The following ZGRF1 variants were observed in gnomAD, a reference collection of about 807,000 sequenced individuals.
The protein encoded by ZGRF1 is 5'-3' DNA helicase ZGRF1.
In ZGRF1, 196 loss-of-function variants were observed where a neutral mutation model predicts 203.5. The observed-to-expected ratio is 0.96, with a 90% CI of 0.86 to 1.08. The LOEUF is 1.08. ZGRF1 is among the 50% of genes least tolerant of loss of function. The probability of loss-of-function intolerance (pLI) is 0.00; values close to 1 mark genes in which losing one functional copy is unlikely to be tolerated. For synonymous variants in ZGRF1, 809 were observed against 841.3 expected (o/e 0.96, Z 0.66); for missense variants, 2,326 against 2,416.3 (o/e 0.96, Z 0.78).
At chr4:112,564,914 A>G in intron 16 of ZGRF1, 1 of 696,158 alleles carries the variant, frequency 1.4e-6, no homozygotes. Context: ...GTCGCTCTCC[A>G]ACGCCAGCGC....
intron 10 of ZGRF1, among the ~76,000 whole-genome samples, chr4:112,597,348 C>T (rs999827957): frequency 2.7e-5 from 4 of 148,878 alleles, no homozygotes; most frequent in African/African-American, 9.9e-5. Context: ...ATAGGAAGAC[C>T]CCATCTCTAG....
intron 10 of ZGRF1, among the ~76,000 whole-genome samples, chr4:112,597,717 A>G (rs1325351167): frequency 1.3e-5 from 2 of 151,512 alleles, no homozygotes; most frequent in Non-Finnish European, 2.9e-5. Context: ...TGTCTCTACT[A>G]AAAATACCAA....
At chr4:112,565,555 A>G (rs995431159) in intron 16 of ZGRF1, among the ~76,000 whole-genome samples, 1 of 152,186 alleles carries the variant, frequency 6.6e-6, no homozygotes, top group African/African-American at 2.4e-5. Flanking sequence ...CAGAGTGAAC[A>G]GGCAACCTAC....
At position 112,606,993 on chromosome 4, in the gene ZGRF1, C is replaced by T. The variant is rs541537528; in HGVS notation, c.2719-902G>A. On this transcript the variant is annotated intron_variant, in intron 8 of 27. Transcript: ENST00000505019. ...ACAAATATGAAGAAAAAACACTTCC[C>T]CAACAGACCAGAGATAAAGTAGTAT... Among the ~76,000 whole-genome samples the T allele has an allele frequency of 1.2e-3, 176 of 152,216 alleles. 1 individual carries two copies. Among genetic ancestry groups the T allele is most frequent in the African/African-American group, 4.0e-3 (167 of 41,528 alleles).
rs182838871 is a variant in ZGRF1 at position 112,634,966 on chromosome 4, C to T, written c.-66-1724G>A. 4.1e-3 allele frequency among the ~76,000 whole-genome samples: 616 copies of T among 152,002 alleles called. 3 individuals are homozygous for T. Among genetic ancestry groups the T allele is most frequent in the African/African-American group, 0.014 (561 of 41,482 alleles). On this transcript the variant is annotated intron_variant, in intron 1 of 27. Transcript: ENST00000505019. ...CCAACATGGTGAAACCCCGTCTCTA[C>T]TAAAAATACAAAAATTAGCTGGGCA...
intron 10 of ZGRF1, among the ~76,000 whole-genome samples, chr4:112,598,963 A>G (rs117943178): frequency 0.012 from 1,870 of 152,172 alleles, 13 homozygotes; most frequent in Middle Eastern, 0.044. Flanking sequence ...AGGTGGGGGA[A>G]TCACTTGAGC....
At position 112,589,885 on chromosome 4, in the gene ZGRF1, A is replaced by G. The variant is rs769779257; in HGVS notation, c.2977-11T>C. 3.5e-5 allele frequency: 54 copies of G among 1,539,554 alleles called. No homozygotes were observed. Among genetic ancestry groups the G allele is most frequent in the Admixed American group, 4.3e-5 (2 of 46,958 alleles). ...TTCTGGTGATGTCACCTATACAGAAAGAAGAATCAAAACTACAGACCAAAA... is the reference window on the plus strand; with the variant it reads ...TTCTGGTGATGTCACCTATACAGAAGGAAGAATCAAAACTACAGACCAAAA... On this transcript the variant is annotated splice_polypyrimidine_tract_variant and intron_variant, in intron 10 of 27. Coordinates refer to ENST00000505019, the MANE Select transcript of ZGRF1 (RefSeq NM_018392.5).
rs2046922377 is a variant in ZGRF1, at chr4:112,617,543, A to C, written c.2499T>G (p.Cys833Trp). The C allele has an allele frequency of 6.2e-7, 1 of 1,613,582 alleles. No individual in the cohort carries two copies. Among genetic ancestry groups the C allele is most frequent in the Non-Finnish European group, 8.5e-7 (1 of 1,179,796 alleles). ...AGCTGTCTAAAGCAGTACTGTGTTCACATAGCGACTTTAAAATAGAAATGG... is the reference window on the plus strand; with the variant it reads ...AGCTGTCTAAAGCAGTACTGTGTTCCCATAGCGACTTTAAAATAGAAATGG... ...VNTISILKSL[C>W]EHSTALDSLE... is the part of the protein sequence containing the mutation. The change falls in exon 6 of 28, where the codon TGT becomes TGG. Residue 833 changes from cysteine to tryptophan, a missense_variant. By Grantham distance (215) the Cys-to-Trp change is radical. Coordinates refer to ENST00000505019, the MANE Select transcript of ZGRF1 (RefSeq NM_018392.5).
intron 3 of ZGRF1, among the ~76,000 whole-genome samples, chr4:112,630,223 G>A (rs2149207886): frequency 6.6e-6 from 1 of 151,260 alleles, no homozygotes; most frequent in South Asian, 2.1e-4. Flanking sequence ...GTAGGGCCAG[G>A]CGCAGTGGCT....
intron 8 of ZGRF1, 28 bp from the exon 9 acceptor site, chr4:112,606,119 A>G (rs1451978814): frequency 1.5e-6 from 2 of 1,325,326 alleles, no homozygotes; most frequent in Non-Finnish European, 2.1e-6. Context: ...TAAGTTATCT[A>G]GTTAGCTAGA....
At chr4:112,605,839 G>A (rs1750691050) in intron 9 of ZGRF1, 169 bp downstream of exon 9, 2 of 576,558 alleles carry the variant, frequency 3.5e-6, no homozygotes, top group African/African-American at 1.9e-5. Context: ...ACCAAAAAGG[G>A]GGGCAGGAGT....
At chr4:112,567,724 G>A (rs980027881) in intron 16 of ZGRF1, among the ~76,000 whole-genome samples, 4 of 152,130 alleles carry the variant, frequency 2.6e-5, no homozygotes, top group East Asian at 1.9e-4. Context: ...CCACGAGTTC[G>A]AGATGTGCCA....
In ZGRF1 at chr4:112,548,269, G is replaced by C; in HGVS notation, c.5458C>G (p.Leu1820Val). Residue 1820 changes from leucine to valine, a missense_variant, in exon 23 of 28, where the codon CTC becomes GTC. Coordinates refer to ENST00000505019, the MANE Select transcript of ZGRF1 (RefSeq NM_018392.5). ...TTAGGTTACCTTGCAATGGGAAGGA[G>C]AGAGGCCGGTTCAGTTATCTGACTA... is the stretch of plus-strand genomic sequence containing the variant. The part of the protein sequence containing the change: ...ECSQITEPAS[L>V]LPIARFECEK... 1 of 1,552,218 alleles carries C rather than the reference G, an allele frequency of 6.4e-7. No homozygotes were observed. The highest frequency in any genetic ancestry group is 8.7e-7 in the Non-Finnish European group (1 of 1,147,064).
At position 112,617,905 on chromosome 4, in the gene ZGRF1, G is replaced by A; in HGVS notation, c.2137C>T (p.Pro713Ser). The change falls in exon 6 of 28, where the codon CCT (proline) becomes TCT (serine). Residue 713 changes from proline (P) to serine (S), a missense_variant. Pro to Ser is a moderately conservative substitution (Grantham distance 74). Coordinates refer to ENST00000505019, the MANE Select transcript of ZGRF1 (RefSeq NM_018392.5). The stretch of plus-strand genomic sequence containing the variant: ...TCTAAGTCACTTCCCAAAATAAAAG[G>A]CTGAGGTTGAGCATCTTCTGAAAAT... The part of the protein sequence containing the change: ...NLFSEDAQPQ[P>S]FILGSDLDKN... 6.2e-7 allele frequency: 1 copy of A among 1,613,824 alleles called. No individual in the cohort carries two copies. The highest frequency in any genetic ancestry group is 8.5e-7 in the Non-Finnish European group (1 of 1,179,926).
At chr4:112,617,159 C>T (rs1461536274) in intron 6 of ZGRF1, among the ~76,000 whole-genome samples, 1 of 152,060 alleles carries the variant, frequency 6.6e-6, no homozygotes, top group African/African-American at 2.4e-5. Flanking sequence ...CATATATTCA[C>T]ATAAATGTGC....
At chr4:112,554,392 C>A (rs551128900) in intron 21 of ZGRF1, among the ~76,000 whole-genome samples, 3 of 151,944 alleles carry the variant, frequency 2.0e-5, no homozygotes, top group Non-Finnish European at 4.4e-5. Flanking sequence ...ATGTTTATTG[C>A]GGCAGTATTC....
At chr4:112,565,122 T>A (rs1291734323) in intron 16 of ZGRF1, 1 of 1,397,074 alleles carries the variant, frequency 7.2e-7, no homozygotes, top group Non-Finnish European at 1.0e-6. Flanking sequence ...ACAGGCCTGG[T>A]ACTGTGGCGC....
intron 16 of ZGRF1, among the ~76,000 whole-genome samples, chr4:112,574,230 A>G (rs1196030342): frequency 6.6e-6 from 1 of 152,250 alleles, no homozygotes; most frequent in Non-Finnish European, 1.5e-5. Context: ...AACAACAATG[A>G]AAACAATAAA....
intron 1 of ZGRF1, among the ~76,000 whole-genome samples, chr4:112,634,424 T>C (rs1431204845): frequency 6.6e-6 from 1 of 152,006 alleles, no homozygotes; most frequent in African/African-American, 2.4e-5. Flanking sequence ...CCGAGACAGG[T>C]GGATCACCTG....
Sources: allele counts gnomAD v4.1 joint callset (sites outside exome capture counted in the v4.1 genomes callset), GRCh38; gene constraint gnomAD v4.1.1; transcripts MANE v1.5; gene names NCBI Gene and HGNC (gene_info 2026-07-23, HGNC 2026-07-21).